NF1: variants seen among roughly 807,000 people sequenced by gnomAD.
NF1 encodes the protein neurofibromin 1.
NF1 carries 122 observed loss-of-function variants against 325.7 expected under a neutral mutation model. The observed-to-expected ratio is 0.37, with a 90% CI of 0.32 to 0.44. NF1 has a LOEUF of 0.44. Ranked by LOEUF, NF1 falls within the 20% of genes least tolerant of loss-of-function variation. NF1 has a pLI of 1.00. For missense variants in NF1, 2,140 were observed against 3,415.4 expected, an observed-to-expected ratio of 0.63 and a Z score of 9.31; for synonymous variants, 1,091 against 1,186.0, an observed-to-expected ratio of 0.92 and a Z score of 1.65.
intron 20 of NF1, among the ~76,000 whole-genome samples, 191 bp from the exon 21 acceptor site, chr17:31,228,834 A>G (rs2067060914): frequency 6.6e-6 from 1 of 152,212 alleles, no homozygotes; most frequent in Non-Finnish European, 1.5e-5. Flanking sequence ...TCGGCTGATT[A>G]TATTAGTGTA....
chr17:31,147,028 T>A (rs1217117118), intron 1 of NF1, among the ~76,000 whole-genome samples: 2 of 152,248 alleles, frequency 1.3e-5, no homozygotes, highest in Non-Finnish European at 2.9e-5. Context: ...CCAATTTGTT[T>A]TTGTTTTTTA....
chr17:31,226,026 A>G (rs931600878), intron 17 of NF1, among the ~76,000 whole-genome samples: 1 of 152,154 alleles, frequency 6.6e-6, no homozygotes, highest in Non-Finnish European at 1.5e-5. Context: ...TATAGCAAGT[A>G]GATAGAATTT....
At chr17:31,198,267 G>A (rs1249034306) in intron 8 of NF1, among the ~76,000 whole-genome samples, 21 of 152,120 alleles carry the variant, frequency 1.4e-4, no homozygotes, top group Non-Finnish European at 8.8e-5. Flanking sequence ...CTTTGGTATC[G>A]GTAATGTTGG....
chr17:31,189,758 ATTTTTT>A, intron 8 of NF1, among the ~76,000 whole-genome samples: 1 of 118,562 alleles, frequency 8.4e-6, no homozygotes, highest in East Asian at 2.3e-4. Context: ...AAAGAAAAGT[ATTTTTT>A]TTTTTTTTTT....
intron 8 of NF1, among the ~76,000 whole-genome samples, chr17:31,194,394 C>T (rs1337713261): frequency 4.6e-5 from 7 of 151,546 alleles, no homozygotes; most frequent in Admixed American, 6.6e-5. Context: ...GGATAGGGTG[C>T]GGGGAGGGTA....
intron 1 of NF1, among the ~76,000 whole-genome samples, chr17:31,144,774 A>G (rs1916475917): frequency 6.6e-6 from 1 of 152,216 alleles, no homozygotes; most frequent in Non-Finnish European, 1.5e-5. Context: ...TATGGCCTGG[A>G]ACTACACAGT....
At chr17:31,158,554 A>G (rs1197594376) in intron 2 of NF1, among the ~76,000 whole-genome samples, 1 of 152,200 alleles carries the variant, frequency 6.6e-6, no homozygotes, top group Non-Finnish European at 1.5e-5. Flanking sequence ...TTTCAAAACC[A>G]TAGTCTCTTG....
At chr17:31,296,091 T>C in intron 36 of NF1, 1 of 1,613,078 alleles carries the variant, frequency 6.2e-7, no homozygotes, top group Non-Finnish European at 8.5e-7. Context: ...TCCAGGGTCC[T>C]CAGATTGGTA....
chr17:31,241,690 GTT>G (rs1438759427), intron 29 of NF1, among the ~76,000 whole-genome samples: 2 of 152,078 alleles, frequency 1.3e-5, no homozygotes, highest in Non-Finnish European at 2.9e-5. Flanking sequence ...ACTTTTTGTT[GTT>G]TTTATGTATA....
At chr17:31,179,849 A>C (rs1454608775) in intron 5 of NF1, among the ~76,000 whole-genome samples, 1 of 152,100 alleles carries the variant, frequency 6.6e-6, no homozygotes, top group Non-Finnish European at 1.5e-5. Flanking sequence ...TAAATAGACC[A>C]CTAGCCAGAC....
chr17:31,377,607 T>C lies in NF1; in HGVS notation c.*3452T>C, dbSNP rs1376812393. On this transcript the variant is annotated 3_prime_UTR_variant, in exon 58 of 58. Transcript: ENST00000358273. ...GATCTTTATTGTTCCTCACCCCATTTTCCTCCTTGTGTATGTACTTCCCCC... is the reference window on the plus strand; with the variant it reads ...GATCTTTATTGTTCCTCACCCCATTCTCCTCCTTGTGTATGTACTTCCCCC... 4.3e-6 allele frequency: 1 copy of C among 232,910 alleles called. No homozygotes were observed. Among genetic ancestry groups the C allele is most frequent in the South Asian group, 1.8e-4 (1 of 5,524 alleles). The allele number at this position is 232,910 out of a possible 1,614,324, so 14.4% of individuals were successfully genotyped here.
intron 8 of NF1, among the ~76,000 whole-genome samples, chr17:31,196,816 C>G (rs2066441580): frequency 6.6e-6 from 1 of 152,060 alleles, no homozygotes; most frequent in African/African-American, 2.4e-5. Context: ...ATTGAATGGT[C>G]TTAGCATCTT....
chr17:31,215,992 T>C (rs1264772124), intron 13 of NF1, among the ~76,000 whole-genome samples: 2 of 152,180 alleles, frequency 1.3e-5, no homozygotes, highest in Non-Finnish European at 1.5e-5. Flanking sequence ...AAAGAAGGCC[T>C]GTGATACTTT....
chr17:31,371,261 A>G (rs997782772), intron 57 of NF1, among the ~76,000 whole-genome samples: 13 of 152,236 alleles, frequency 8.5e-5, no homozygotes, highest in Admixed American at 5.9e-4. Context: ...TACTCAGTAG[A>G]GGAAGATGGA....
At chr17:31,328,775 T>C (rs2069409537) in intron 38 of NF1, among the ~76,000 whole-genome samples, 1 of 152,106 alleles carries the variant, frequency 6.6e-6, no homozygotes, top group South Asian at 2.1e-4. Flanking sequence ...TAGTGGGCCT[T>C]TTAGGATTCC....
Position 31,345,642 on chromosome 17 carries a change from G to A in NF1, c.7189+2507G>A, listed in dbSNP as rs1156828833. The stretch of plus-strand genomic sequence containing the variant: ...TCTCTCCAGCGGCCACTTCTTGCGG[G>A]AGAACATCAAGGCCAGCACCGAAGT... On this transcript the variant is annotated intron_variant, in intron 48 of 57. Coordinates refer to ENST00000358273, the MANE Select transcript of NF1 (RefSeq NM_001042492.3). 1.3e-5 allele frequency: 21 copies of A among 1,613,944 alleles called. No homozygotes were observed. In the African/African-American group the frequency reaches 2.7e-4, roughly 21 times the overall value.
Position 31,189,250 on chromosome 17 carries a change from T to C in NF1, c.888+6585T>C, listed in dbSNP as rs114096386. 7.0e-3 allele frequency among the ~76,000 whole-genome samples: 1,062 copies of C among 152,310 alleles called. 11 individuals are homozygous for C. The highest frequency in any genetic ancestry group is 0.024 in the Middle Eastern group (7 of 294). On this transcript the variant is annotated intron_variant, in intron 8 of 57. Coordinates refer to ENST00000358273, the MANE Select transcript of NF1 (RefSeq NM_001042492.3). ...GTACATTTTTACTTGGTTTCATTTTTAAACTTTATGAGTTCTTTTTACTAT... is the reference window on the plus strand; with the variant it reads ...GTACATTTTTACTTGGTTTCATTTTCAAACTTTATGAGTTCTTTTTACTAT...
At chr17:31,214,705 C>A in intron 13 of NF1, 120 bp downstream of exon 13, 1 of 860,944 alleles carries the variant, frequency 1.2e-6, no homozygotes, top group Non-Finnish European at 1.8e-6. Flanking sequence ...CCTTTCTGAT[C>A]ATACCTGAAA....
chr17:31,344,153 TTA>T (rs1238003297), intron 48 of NF1, among the ~76,000 whole-genome samples: 1 of 152,192 alleles, frequency 6.6e-6, no homozygotes, highest in African/African-American at 2.4e-5. Flanking sequence ...TTCAACTTGT[TTA>T]TAGTTTATTG....
Sources: allele counts gnomAD v4.1 joint callset (sites outside exome capture counted in the v4.1 genomes callset), GRCh38; gene constraint gnomAD v4.1.1; transcripts MANE v1.5; gene names NCBI Gene and HGNC (gene_info 2026-07-23, HGNC 2026-07-21).